NAALADL2: variants seen among roughly 807,000 people sequenced by gnomAD.
NAALADL2 encodes the protein inactive N-acetylated-alpha-linked acidic dipeptidase-like protein 2.
Under a neutral mutation model 87.2 loss-of-function variants are expected in NAALADL2, and 76 were observed. The observed-to-expected ratio is 0.87, with a 90% CI of 0.72 to 1.05. The LOEUF (loss-of-function observed/expected upper bound fraction) is 1.05, where lower values mean the gene tolerates loss of function less well. Among genes scored for constraint, NAALADL2 ranks in the 50% least tolerant of loss-of-function variants. The pLI, the probability that NAALADL2 is intolerant of heterozygous loss-of-function variation, is 0.00. For synonymous variants in NAALADL2, 354 were observed against 331.0 expected, an observed-to-expected ratio of 1.07 and a Z score of -0.75; for missense variants, 1,089 against 945.8, an observed-to-expected ratio of 1.15 and a Z score of -1.99.
upstream of NAALADL2, among the ~76,000 whole-genome samples, chr3:174,854,926 C>T (rs1278578939): frequency 6.7e-6 from 1 of 150,108 alleles, no homozygotes; most frequent in Non-Finnish European, 1.5e-5. Context: ...CAACCTCTGC[C>T]TCCCAGGTTC....
At chr3:175,273,482 G>A (rs1032984356) in intron 4 of NAALADL2, among the ~76,000 whole-genome samples, 18 of 152,002 alleles carry the variant, frequency 1.2e-4, no homozygotes, top group Non-Finnish European at 2.2e-4. Flanking sequence ...TTCCATGTTA[G>A]TATCTTCCAT....
intron 1 of NAALADL2, among the ~76,000 whole-genome samples, chr3:175,002,497 C>T (rs565789538): frequency 3.3e-5 from 5 of 152,190 alleles, no homozygotes; most frequent in East Asian, 1.9e-4. Flanking sequence ...AATCCATCAC[C>T]GTTGCAGTGA....
intron 2 of NAALADL2, among the ~76,000 whole-genome samples, chr3:175,107,743 T>G (rs1723457280): frequency 6.6e-6 from 1 of 150,414 alleles, no homozygotes; most frequent in African/African-American, 2.5e-5. Context: ...TTATATTTAT[T>G]TCATTAAAAA....
chr3:174,980,612 G>A (rs1331712852), intron 1 of NAALADL2, among the ~76,000 whole-genome samples: 1 of 152,132 alleles, frequency 6.6e-6, no homozygotes, highest in African/African-American at 2.4e-5. Context: ...ATTTTAATAT[G>A]TGTATCATTC....
chr3:175,006,008 G>A (rs1229100780), intron 1 of NAALADL2, among the ~76,000 whole-genome samples: 6 of 152,270 alleles, frequency 3.9e-5, no homozygotes, highest in South Asian at 2.1e-4. Context: ...TACGATGTGC[G>A]CGGTAACAGC....
chr3:174,968,836 A>G (rs1743225903), intron 1 of NAALADL2, among the ~76,000 whole-genome samples: 1 of 152,162 alleles, frequency 6.6e-6, no homozygotes, highest in Non-Finnish European at 1.5e-5. Context: ...ACATGCTCCC[A>G]AAGTTTTCAT....
intron 4 of NAALADL2, among the ~76,000 whole-genome samples, chr3:175,304,895 C>A (rs1268286977): frequency 1.3e-5 from 2 of 151,642 alleles, no homozygotes; most frequent in African/African-American, 4.8e-5. Flanking sequence ...CTTTATCATA[C>A]TTAATTTTGA....
At chr3:175,724,025 T>A (rs1047274822) in intron 11 of NAALADL2, among the ~76,000 whole-genome samples, 1 of 152,140 alleles carries the variant, frequency 6.6e-6, no homozygotes. Context: ...GCTAATAGCA[T>A]CCAAACCATC....
intron 3 of NAALADL2, among the ~76,000 whole-genome samples, chr3:174,824,015 T>C (rs1171158640): frequency 2.0e-5 from 3 of 152,242 alleles, no homozygotes; most frequent in Admixed American, 1.3e-4. Context: ...GGTTCTTTCA[T>C]TTTTAACACC....
chr3:174,821,306 C>T (rs1024184591), intron 3 of NAALADL2, among the ~76,000 whole-genome samples: 6 of 151,920 alleles, frequency 3.9e-5, no homozygotes, highest in Admixed American at 2.6e-4. Context: ...ATACGGATGA[C>T]AATACCGGGC....
intron 1 of NAALADL2, among the ~76,000 whole-genome samples, chr3:174,982,174 G>A (rs2108657570): frequency 6.6e-6 from 1 of 152,184 alleles, no homozygotes; most frequent in Admixed American, 6.5e-5. Context: ...GTTTGAAGGA[G>A]GCAGTTTTTA....
chr3:175,393,260 G>A (rs1371404613), intron 5 of NAALADL2, among the ~76,000 whole-genome samples: 2 of 112,548 alleles, frequency 1.8e-5, no homozygotes, highest in South Asian at 3.0e-4. Context: ...CGGCCTGGGC[G>A]ACAGAGCGAG....
At chr3:175,528,504 C>T (rs1489642816) in intron 9 of NAALADL2, among the ~76,000 whole-genome samples, 3 of 151,916 alleles carry the variant, frequency 2.0e-5, no homozygotes, top group Non-Finnish European at 4.4e-5. Flanking sequence ...GTAGCACCCT[C>T]TCAGACCCAC....
intron 1 of NAALADL2, among the ~76,000 whole-genome samples, chr3:174,997,058 AT>A (rs200338062): frequency 0.011 from 1,436 of 125,876 alleles, 20 homozygotes; most frequent in African/African-American, 0.039. Context: ...ATATATATAT[AT>A]TTTTTTTTTT....
chr3:174,880,406 TC>T (rs1208463470), intron 1 of NAALADL2, among the ~76,000 whole-genome samples: 1 of 152,130 alleles, frequency 6.6e-6, no homozygotes. Flanking sequence ...TTACATTTAG[TC>T]CCTTTGGAAA....
At chr3:174,890,974 A>G (rs1487998991) in intron 1 of NAALADL2, among the ~76,000 whole-genome samples, 1 of 152,088 alleles carries the variant, frequency 6.6e-6, no homozygotes, top group East Asian at 1.9e-4. Context: ...TTTTTTTATT[A>G]TGATAGGAAA....
At chr3:174,602,759 G>A (rs1459735571) in intron 2 of NAALADL2, among the ~76,000 whole-genome samples, 1 of 151,678 alleles carries the variant, frequency 6.6e-6, no homozygotes, top group Non-Finnish European at 1.5e-5. Flanking sequence ...ATTAGCTGTG[G>A]GTTTGTTATA....
At chr3:174,619,848 T>C (rs1720827412) in intron 2 of NAALADL2, among the ~76,000 whole-genome samples, 1 of 152,002 alleles carries the variant, frequency 6.6e-6, no homozygotes, top group Non-Finnish European at 1.5e-5. Context: ...TGACATAAAA[T>C]AGCAAAATAA....
chr3:175,167,878 T>A (rs1734215676), intron 2 of NAALADL2, among the ~76,000 whole-genome samples: 3 of 151,996 alleles, frequency 2.0e-5, no homozygotes, highest in Admixed American at 2.0e-4. Context: ...GCAGCAGCAG[T>A]TGTCATTACT....
Sources: allele counts gnomAD v4.1 joint callset (sites outside exome capture counted in the v4.1 genomes callset), GRCh38; gene constraint gnomAD v4.1.1; transcripts MANE v1.5; gene names NCBI Gene and HGNC (gene_info 2026-07-23, HGNC 2026-07-21).